The following PCSK2 variants were observed in gnomAD, a reference collection of about 807,000 sequenced individuals.
PCSK2 encodes the protein proprotein convertase subtilisin/kexin type 2.
In PCSK2, 14 loss-of-function variants were observed where a neutral mutation model predicts 69.7. The ratio of observed to expected loss-of-function variants is 0.20; its 90% CI spans 0.13 to 0.31. PCSK2 has a LOEUF of 0.31. Among genes scored for constraint, PCSK2 ranks in the 10% least tolerant of loss-of-function variants. The pLI, the probability that PCSK2 is intolerant of heterozygous loss-of-function variation, is 1.00. For synonymous variants in PCSK2, 307 were observed against 320.7 expected, an observed-to-expected ratio of 0.96 and a Z score of 0.46; for missense variants, 544 against 842.5, an observed-to-expected ratio of 0.65 and a Z score of 4.39.
At chr20:17,245,433 G>T (rs1362798867) in intron 1 of PCSK2, among the ~76,000 whole-genome samples, 2 of 152,138 alleles carry the variant, frequency 1.3e-5, no homozygotes, top group Non-Finnish European at 2.9e-5. Context: ...TGCTTGTGAA[G>T]ATACTAGCAT....
chr20:17,387,179 AAAG>A, intron 5 of PCSK2, among the ~76,000 whole-genome samples: 1 of 152,310 alleles, frequency 6.6e-6, no homozygotes, highest in Non-Finnish European at 1.5e-5. Flanking sequence ...CTGAGATATA[AAAG>A]AAGGATAGCA....
chr20:17,391,975 A>G (rs2031392600), intron 5 of PCSK2, among the ~76,000 whole-genome samples: 1 of 108,694 alleles, frequency 9.2e-6, no homozygotes, highest in African/African-American at 3.5e-5. Flanking sequence ...AAAGGAAGGA[A>G]GGGAAGGGAA....
chr20:17,451,688 G>T (rs13040219), intron 8 of PCSK2, among the ~76,000 whole-genome samples: 21,058 of 152,078 alleles, frequency 0.14, 1,531 homozygotes, highest in East Asian at 0.18. Flanking sequence ...GGCTGCAAAG[G>T]CATAGTGCAC....
At chr20:17,397,676 A>C (rs187979696) in intron 5 of PCSK2, among the ~76,000 whole-genome samples, 29 of 152,140 alleles carry the variant, frequency 1.9e-4, no homozygotes, top group Non-Finnish European at 4.4e-5. Flanking sequence ...ATGGGGTTTC[A>C]CCATCTTGGC....
chr20:17,334,261 G>C (rs1271238734), intron 2 of PCSK2, among the ~76,000 whole-genome samples: 1 of 152,124 alleles, frequency 6.6e-6, no homozygotes, highest in Non-Finnish European at 1.5e-5. Flanking sequence ...CCTCTCACTA[G>C]AGTCATCAGA....
intron 2 of PCSK2, among the ~76,000 whole-genome samples, chr20:17,272,831 G>T (rs1987922463): frequency 6.6e-6 from 1 of 152,002 alleles, no homozygotes; most frequent in Admixed American, 6.6e-5. Context: ...TGTTTATATG[G>T]CTTAACTCCA....
intron 6 of PCSK2, among the ~76,000 whole-genome samples, chr20:17,418,835 C>A (rs945095172): frequency 2.0e-5 from 3 of 152,192 alleles, no homozygotes; most frequent in Admixed American, 6.5e-5. Flanking sequence ...CTGGTGTCAG[C>A]ATGCCCTGAA....
chr20:17,438,595 C>T (rs151295013), intron 8 of PCSK2, among the ~76,000 whole-genome samples: 1,578 of 152,320 alleles, frequency 0.01, 9 homozygotes, highest in Middle Eastern at 0.034. Flanking sequence ...TCTATGACTA[C>T]AATGGATGCC....
chr20:17,436,661 G>C (rs138048369), intron 7 of PCSK2, 47 bp from the exon 8 acceptor site: 1 of 1,550,642 alleles, frequency 6.4e-7, no homozygotes, highest in Non-Finnish European at 8.8e-7. Flanking sequence ...TGTCTCCTGC[G>C]AACTGGGGAA....
In PCSK2 at chr20:17,479,456, C is replaced by T. The variant is rs1357539892; in HGVS notation, c.1431-2128C>T. ...TGGTAGCGCCTGTTCTCCCTGGGGG[C>T]GGAGCTACGCCTGTGCCTGGTATTT... On this transcript the variant is annotated intron_variant, in intron 11 of 11. Coordinates refer to ENST00000262545, the MANE Select transcript of PCSK2 (RefSeq NM_002594.5). 7.4e-6 allele frequency: 4 copies of T among 539,418 alleles called. No homozygotes were observed. In the African/African-American group the frequency reaches 7.7e-5, roughly 10 times the overall value. 33.4% of individuals were successfully genotyped at this position (539,418 alleles called of 1,614,324 possible).
At chr20:17,409,221 C>T in intron 5 of PCSK2, 42 bp from the exon 6 acceptor site, 2 of 1,502,172 alleles carry the variant, frequency 1.3e-6, no homozygotes, top group Non-Finnish European at 1.9e-6. Context: ...TTTACTGCGC[C>T]TCTGGCTGTA....
chr20:17,382,628 T>A (rs1403342920), intron 5 of PCSK2, among the ~76,000 whole-genome samples: 1 of 152,118 alleles, frequency 6.6e-6, no homozygotes, highest in Non-Finnish European at 1.5e-5. Flanking sequence ...ACCACTGGCA[T>A]CCTGGACCAA....
chr20:17,457,249 C>T (rs1654434155), intron 10 of PCSK2, among the ~76,000 whole-genome samples: 2 of 152,198 alleles, frequency 1.3e-5, no homozygotes, highest in African/African-American at 2.4e-5. Flanking sequence ...TTCCCAGCAA[C>T]TTGTGAGAAG....
At chr20:17,479,328 T>C in intron 11 of PCSK2, 1 of 786,954 alleles carries the variant, frequency 1.3e-6, no homozygotes, top group South Asian at 1.4e-5. Flanking sequence ...GTTGTAATTA[T>C]AATCTTCACC....
chr20:17,334,942 G>C (rs1568607285), intron 2 of PCSK2, among the ~76,000 whole-genome samples: 2 of 152,220 alleles, frequency 1.3e-5, no homozygotes, highest in Non-Finnish European at 2.9e-5. Context: ...CAAATCTGGT[G>C]TAAAACCGGC....
At chr20:17,287,427 G>T (rs1047049544) in intron 2 of PCSK2, among the ~76,000 whole-genome samples, 1 of 123,580 alleles carries the variant, frequency 8.1e-6, no homozygotes, top group African/African-American at 2.9e-5. Flanking sequence ...CAGCATGTGC[G>T]TGTCTGTGTG....
At chr20:17,296,442 C>G (rs947488737) in intron 2 of PCSK2, among the ~76,000 whole-genome samples, 6 of 152,198 alleles carry the variant, frequency 3.9e-5, no homozygotes, top group Admixed American at 6.5e-5. Flanking sequence ...ACTGCTGACA[C>G]TGCCAAACCA....
chr20:17,281,304 T>C (rs544398462), intron 2 of PCSK2, among the ~76,000 whole-genome samples: 1 of 152,304 alleles, frequency 6.6e-6, no homozygotes, highest in African/African-American at 2.4e-5. Context: ...ACTCCCTTTT[T>C]ATCTAAACAC....
At chr20:17,359,101 C>T (rs1271095902) in intron 3 of PCSK2, among the ~76,000 whole-genome samples, 2 of 152,110 alleles carry the variant, frequency 1.3e-5, no homozygotes, top group Non-Finnish European at 2.9e-5. Flanking sequence ...AACTGCAGGG[C>T]ATATTGACAG....
Sources: gnomAD v4.1 joint callset for allele counts (sites outside exome capture counted in the v4.1 genomes callset) on GRCh38, gnomAD v4.1.1 for gene constraint, MANE v1.5 for transcripts, NCBI Gene and HGNC (gene_info 2026-07-23, HGNC 2026-07-21) for gene names.